PCDHGB1: variants seen among roughly 807,000 people sequenced by gnomAD.
PCDHGB1 encodes protocadherin gamma-B1.
A neutral mutation model predicts 56.6 loss-of-function variants in PCDHGB1; 34 were observed. That is an observed-to-expected ratio of 0.60 (90% CI 0.46 to 0.80). PCDHGB1 has a LOEUF of 0.80. Ranked by LOEUF, PCDHGB1 falls within the 30% of genes least tolerant of loss-of-function variation. The pLI is 0.00. For missense variants in PCDHGB1, 1,278 were observed against 1,204.6 expected, an observed-to-expected ratio of 1.06 and a Z score of -0.90; for synonymous variants, 561 against 505.9, an observed-to-expected ratio of 1.11 and a Z score of -1.46.
intron 1 of PCDHGB1, among the ~76,000 whole-genome samples, chr5:141,354,577 A>G (rs1371174028): frequency 2.0e-5 from 3 of 152,204 alleles, no homozygotes; most frequent in African/African-American, 7.2e-5. Context: ...TACTGCATAA[A>G]TTGGGACTAA....
At position 141,372,426 on chromosome 5, in the gene PCDHGB1, C is replaced by A; in HGVS notation, c.2409+19757C>A. ...AGAGATACAACCTGACCTTAGCGAC[C>A]GCCCCACTCCCTCTGACCCTCAGGC... On this transcript the variant is annotated intron_variant, in intron 1 of 3. Coordinates refer to ENST00000523390, the MANE Select transcript of PCDHGB1 (RefSeq NM_018922.3). 1 of 1,614,026 alleles carries A rather than the reference C, an allele frequency of 6.2e-7. No individual in the cohort carries two copies. Among genetic ancestry groups the A allele is most frequent in the Non-Finnish European group, 8.5e-7 (1 of 1,179,890 alleles).
chr5:141,394,808 T>G lies in PCDHGB1; in HGVS notation c.2409+42139T>G, dbSNP rs534137630. The G allele has an allele frequency of 9.9e-6, 16 of 1,613,872 alleles. No individual in the cohort carries two copies. The East Asian group carries it at 3.6e-4, about 36-fold the overall frequency. On this transcript the variant is annotated intron_variant, in intron 1 of 3. Coordinates refer to ENST00000523390, the MANE Select transcript of PCDHGB1 (RefSeq NM_018922.3). ...CTGTCACGCTCACCGTAGCCGTGGC[T>G]GACAGCATCCCCGAAGTCCTGACCG...
chr5:141,390,723 A>G (rs2092214355), intron 1 of PCDHGB1: 1 of 196,804 alleles, frequency 5.1e-6, no homozygotes, highest in Non-Finnish European at 1.0e-5. Context: ...TAACTAATTT[A>G]ACTGGTATGG....
At chr5:141,404,812 GC>G in intron 1 of PCDHGB1, 1 of 1,611,168 alleles carries the variant, frequency 6.2e-7, no homozygotes, top group African/African-American at 1.4e-5. Context: ...TCTCGGTGGG[GC>G]TGCACACAGG....
chr5:141,418,151 G>T, intron 1 of PCDHGB1: 1 of 1,614,108 alleles, frequency 6.2e-7, no homozygotes, highest in Non-Finnish European at 8.5e-7. Flanking sequence ...AATATGCAAA[G>T]AGAGAAGAAG....
intron 1 of PCDHGB1, among the ~76,000 whole-genome samples, chr5:141,420,762 T>A (rs1221355822): frequency 6.6e-6 from 1 of 152,222 alleles, no homozygotes; most frequent in Non-Finnish European, 1.5e-5. Context: ...AACCTACAAG[T>A]TTTCAGCTCC....
At chr5:141,438,637 C>T (rs11958903) in intron 1 of PCDHGB1, among the ~76,000 whole-genome samples, 3,503 of 30,116 alleles carry the variant, frequency 0.12, 108 homozygotes, top group Non-Finnish European at 0.15. Context: ...TATATATATA[C>T]ACACACACAC....
chr5:141,427,205 C>T lies in PCDHGB1; in HGVS notation c.2410-67602C>T, dbSNP rs73280903. 3.4e-3 allele frequency: 1,562 copies of T among 456,606 alleles called. 21 individuals carry two copies. Among genetic ancestry groups the T allele is most frequent in the African/African-American group, 0.028 (1,422 of 50,136 alleles). 28.3% of individuals were successfully genotyped at this position (456,606 alleles called of 1,614,324 possible). Reference sequence around the variant, plus strand: ...TTAAATCCAAAGACTTAATAGACTTCGAATTTCGTAGCAGTTATACCATGA... The same window carrying T: ...TTAAATCCAAAGACTTAATAGACTTTGAATTTCGTAGCAGTTATACCATGA... On this transcript the variant is annotated intron_variant, in intron 1 of 3. Transcript: ENST00000523390.
Position 141,454,981 on chromosome 5 carries a change from A to T in PCDHGB1, c.2410-39826A>T, listed in dbSNP as rs528657512. 9.9e-3 allele frequency among the ~76,000 whole-genome samples: 1,486 copies of T among 150,680 alleles called. 32 individuals carry two copies. Among genetic ancestry groups the T allele is most frequent in the African/African-American group, 0.034 (1,392 of 41,092 alleles). On this transcript the variant is annotated intron_variant, in intron 1 of 3. Coordinates refer to ENST00000523390, the MANE Select transcript of PCDHGB1 (RefSeq NM_018922.3). ...GGCCACCACGCCTGGCTAATTTTTTAAAAAATATTTTTAGTAGAGACGGGG... is the reference window on the plus strand; with the variant it reads ...GGCCACCACGCCTGGCTAATTTTTTTAAAAATATTTTTAGTAGAGACGGGG...
chr5:141,432,569 C>T lies in PCDHGB1; in HGVS notation c.2410-62238C>T. The T allele has an allele frequency of 6.2e-7, 1 of 1,613,920 alleles. No homozygotes were observed. On this transcript the variant is annotated intron_variant, in intron 1 of 3. Coordinates refer to ENST00000523390, the MANE Select transcript of PCDHGB1 (RefSeq NM_018922.3). This position sits in a 1 kb window ranked among gnomAD's most constrained non-coding sequence, Gnocchi z 6.0. ...CAGAGACTCCGGCCAGAACGCCTGG[C>T]TGTCCTACCGTCTGCTCAAGGCCAG...
chr5:141,362,129 C>T, intron 1 of PCDHGB1: 2 of 1,614,016 alleles, frequency 1.2e-6, no homozygotes, highest in Non-Finnish European at 1.7e-6. Flanking sequence ...CTAATCTTCG[C>T]GGATAGCCTG....
intron 1 of PCDHGB1, chr5:141,414,681 G>A: frequency 6.2e-7 from 1 of 1,613,954 alleles, no homozygotes; most frequent in African/African-American, 1.3e-5. Context: ...CCATCCAGGG[G>A]GTACCTCTGT....
chr5:141,394,644 G>A, intron 1 of PCDHGB1: 2 of 1,613,358 alleles, frequency 1.2e-6, no homozygotes, highest in Non-Finnish European at 1.7e-6. Flanking sequence ...CCTGCTCAAG[G>A]CCAGCGAGCC....
Position 141,487,070 on chromosome 5 carries a change from C to A in PCDHGB1, c.2410-7737C>A, listed in dbSNP as rs1365482479. The A allele has an allele frequency of 6.2e-7, 1 of 1,614,036 alleles. No individual in the cohort carries two copies. The highest frequency in any genetic ancestry group is 8.5e-7 in the Non-Finnish European group (1 of 1,180,016). ...TGCTGGGGAGGTGCGGACGGCTGTT[C>A]CTATCCCAGCTGACCTCCCACCACA... is the stretch of plus-strand genomic sequence containing the variant. On this transcript the variant is annotated intron_variant, in intron 1 of 3. Coordinates refer to ENST00000523390, the MANE Select transcript of PCDHGB1 (RefSeq NM_018922.3). The surrounding 1 kb of genome is among the most constrained non-coding windows in gnomAD (Gnocchi z 5.0).
chr5:141,366,343 C>T, intron 1 of PCDHGB1: 2 of 1,613,936 alleles, frequency 1.2e-6, no homozygotes, highest in Non-Finnish European at 1.7e-6. Context: ...TCCCTGACAT[C>T]CTGGCTGACC....
chr5:141,450,663 T>C (rs957466690), intron 1 of PCDHGB1, among the ~76,000 whole-genome samples: 1 of 151,652 alleles, frequency 6.6e-6, no homozygotes, highest in Non-Finnish European at 1.5e-5. Flanking sequence ...ATTTTTGTAC[T>C]TTTAGTAGAA....
chr5:141,385,919 T>C (rs912267518), intron 1 of PCDHGB1: 9 of 152,446 alleles, frequency 5.9e-5, no homozygotes, highest in African/African-American at 1.7e-4. Flanking sequence ...CACTAAGATC[T>C]ATATCAAAGA....
At chr5:141,399,705 C>G in intron 1 of PCDHGB1, 1 of 1,613,470 alleles carries the variant, frequency 6.2e-7, no homozygotes. Flanking sequence ...CCTTCGAACT[C>G]ACACTACAGG....
Position 141,421,478 on chromosome 5 carries a change from G to A in PCDHGB1, c.2409+68809G>A, listed in dbSNP as rs763769838. The A allele has an allele frequency of 2.5e-6, 4 of 1,614,012 alleles. No individual in the cohort carries two copies. In the African/African-American group the frequency reaches 4.0e-5, roughly 16 times the overall value. On this transcript the variant is annotated intron_variant, in intron 1 of 3. Coordinates refer to ENST00000523390, the MANE Select transcript of PCDHGB1 (RefSeq NM_018922.3). ...TTCGCTGTGAATCCGCGAAGCGGCA[G>A]CTTGATCACGGCAGGCAGGATAGAC... is the stretch of plus-strand genomic sequence containing the variant.
Sources: gnomAD v4.1 joint callset for allele counts (sites outside exome capture counted in the v4.1 genomes callset) on GRCh38, gnomAD v4.1.1 for gene constraint, Gnocchi (gnomAD v3.1) non-coding constraint, MANE v1.5 for transcripts, NCBI Gene and HGNC (gene_info 2026-07-23, HGNC 2026-07-21) for gene names.